The following ABCD3 variants were observed in gnomAD, a reference collection of about 807,000 sequenced individuals.
ABCD3 encodes ATP binding cassette subfamily D member 3.
ABCD3 carries 41 observed loss-of-function variants against 105.5 expected under a neutral mutation model. That is an observed-to-expected ratio of 0.39 (90% CI 0.30 to 0.50). ABCD3 has a LOEUF of 0.50. ABCD3 is among the 20% of genes least tolerant of loss of function. The pLI is 0.84. For synonymous variants in ABCD3, 258 were observed against 269.0 expected (o/e 0.96, Z 0.40); for missense variants, 622 against 806.3 (o/e 0.77, Z 2.77).
chr1:94,396,496 T>A, the ABCD3 span, among the ~76,000 whole-genome samples: 1 of 152,134 alleles, frequency 6.6e-6, no homozygotes, highest in Non-Finnish European at 1.5e-5. Context: ...GGGGTCACCA[T>A]CAAGTCAGTG....
intron 1 of ABCD3, among the ~76,000 whole-genome samples, chr1:94,438,345 A>ACACACAC (rs1553168372): frequency 1.5e-4 from 16 of 108,886 alleles, no homozygotes; most frequent in Admixed American, 7.9e-4. Context: ...CACACACACA[A>ACACACAC]ACTTGAAAGG....
chr1:94,494,818 T>C (rs1649718313), intron 16 of ABCD3, among the ~76,000 whole-genome samples: 1 of 152,124 alleles, frequency 6.6e-6, no homozygotes, highest in African/African-American at 2.4e-5. Flanking sequence ...CAGGTTACCA[T>C]GTGGGGATTA....
chr1:94,473,895 T>A (rs1648606839), intron 5 of ABCD3, 60 bp downstream of exon 5: 3 of 1,334,650 alleles, frequency 2.2e-6, no homozygotes, highest in Non-Finnish European at 3.2e-6. Flanking sequence ...ATTAAAATCT[T>A]TAAGGGTTTT....
chr1:94,513,376 T>A (rs1570845186), intron 21 of ABCD3: 2 of 152,066 alleles, frequency 1.3e-5, no homozygotes. Flanking sequence ...CATAAGACTG[T>A]ATAAATTCTA....
intron 1 of ABCD3, among the ~76,000 whole-genome samples, chr1:94,448,823 A>G (rs1453973477): frequency 1.3e-5 from 2 of 152,258 alleles, no homozygotes; most frequent in Non-Finnish European, 2.9e-5. Flanking sequence ...ATAATTCTCA[A>G]GGACAAGCCA....
chr1:94,429,948 A>G (rs376495367), intron 1 of ABCD3, among the ~76,000 whole-genome samples: 2 of 152,226 alleles, frequency 1.3e-5, no homozygotes, highest in African/African-American at 4.8e-5. Context: ...GCAAACATTC[A>G]ATGCCAGCCC....
chr1:94,440,409 T>C (rs1206025404), intron 1 of ABCD3, among the ~76,000 whole-genome samples: 1 of 152,222 alleles, frequency 6.6e-6, no homozygotes, highest in African/African-American at 2.4e-5. Flanking sequence ...TTCTGTTCCT[T>C]GCAGTTTCTC....
chr1:94,458,590 C>CT lies in ABCD3; in HGVS notation c.111-10dup. 2 of 1,607,544 alleles carry CT rather than the reference C, an allele frequency of 1.2e-6. No individual in the cohort carries two copies. The highest frequency in any genetic ancestry group is 8.5e-7 in the Non-Finnish European group (1 of 1,174,448). ...TCACATAAAGTAAAGCTCTCTCTCT[C>CT]TTTTTTTCCTCTGCAGTAAGAAAAG... On this transcript the variant is annotated splice_polypyrimidine_tract_variant and intron_variant, in intron 1 of 22. Transcript: ENST00000370214.
the ABCD3 span, among the ~76,000 whole-genome samples, chr1:94,412,346 A>G: frequency 1.4e-4 from 22 of 152,286 alleles, no homozygotes; most frequent in South Asian, 1.7e-3. Flanking sequence ...CTATAAGCAA[A>G]TAAGTATATA....
At chr1:94,483,957 A>G (rs1041561157) in intron 10 of ABCD3, among the ~76,000 whole-genome samples, 8 of 152,138 alleles carry the variant, frequency 5.3e-5, no homozygotes, top group Admixed American at 5.2e-4. Flanking sequence ...GAAAAAAACA[A>G]CCCCATCAAA....
chr1:94,480,103 G>A (rs992505814), intron 8 of ABCD3: 2 of 269,780 alleles, frequency 7.4e-6, no homozygotes, highest in Non-Finnish European at 1.4e-5. Flanking sequence ...TAAAAAAGAA[G>A]GCAAGAAAAA....
At chr1:94,421,251 A>G (rs1374999585) in intron 1 of ABCD3, among the ~76,000 whole-genome samples, 6 of 152,164 alleles carry the variant, frequency 3.9e-5, no homozygotes, top group Admixed American at 2.6e-4. Context: ...TAAAATTTAT[A>G]TACATTGAAA....
intron 1 of ABCD3, among the ~76,000 whole-genome samples, chr1:94,439,499 A>G (rs1660056561): frequency 6.6e-6 from 1 of 152,060 alleles, no homozygotes; most frequent in African/African-American, 2.4e-5. Flanking sequence ...AAAATTAGTC[A>G]GGTGTGGTGG....
intron 15 of ABCD3, 147 bp from the exon 16 acceptor site, chr1:94,491,037 C>A: frequency 1.6e-6 from 1 of 611,892 alleles, no homozygotes. Flanking sequence ...TTTTCGTATG[C>A]CTGTTGGCCA....
chr1:94,389,960 T>C, the ABCD3 span, among the ~76,000 whole-genome samples: 1 of 152,212 alleles, frequency 6.6e-6, no homozygotes, highest in East Asian at 1.9e-4. Flanking sequence ...GCAGACTATA[T>C]TGTGACAGAG....
intron 19 of ABCD3, 76 bp from the exon 20 acceptor site, chr1:94,499,419 G>T: frequency 2.1e-6 from 3 of 1,440,560 alleles, no homozygotes; most frequent in Non-Finnish European, 2.9e-6. Context: ...AGTGATTCCA[G>T]TTTAAAAAAT....
chr1:94,394,024 T>C, the ABCD3 span, among the ~76,000 whole-genome samples: 2 of 152,218 alleles, frequency 1.3e-5, no homozygotes, highest in Non-Finnish European at 2.9e-5. Context: ...CAAAGAGTTC[T>C]TTTCTTTGTG....
chr1:94,394,378 T>G, the ABCD3 span, among the ~76,000 whole-genome samples: 1 of 152,304 alleles, frequency 6.6e-6, no homozygotes, highest in Non-Finnish European at 1.5e-5. Context: ...CATGTAAAGG[T>G]AAACTGTTTC....
intron 21 of ABCD3, among the ~76,000 whole-genome samples, chr1:94,507,623 C>A (rs1650432444): frequency 6.6e-6 from 1 of 152,110 alleles, no homozygotes; most frequent in South Asian, 2.1e-4. Flanking sequence ...TAAAAGTGTT[C>A]CTGTTTCTCC....
Sources: gnomAD v4.1 joint callset for allele counts (sites outside exome capture counted in the v4.1 genomes callset) on GRCh38, gnomAD v4.1.1 for gene constraint, MANE v1.5 for transcripts, NCBI Gene and HGNC (gene_info 2026-07-23, HGNC 2026-07-21) for gene names.